The following GALNTL6 variants were observed in gnomAD, a reference collection of about 807,000 sequenced individuals.
GALNTL6 encodes the protein polypeptide N-acetylgalactosaminyltransferase-like 6.
A neutral mutation model predicts 73.7 loss-of-function variants in GALNTL6; 46 were observed. The ratio of observed to expected loss-of-function variants is 0.62; its 90% CI spans 0.49 to 0.80. GALNTL6 has a LOEUF of 0.80. Ranked by LOEUF, GALNTL6 falls within the 30% of genes least tolerant of loss-of-function variation. The probability of loss-of-function intolerance (pLI) is 0.00; values close to 1 mark genes in which losing one functional copy is unlikely to be tolerated. For synonymous variants in GALNTL6, 259 were observed against 263.7 expected (o/e 0.98, Z 0.17); for missense variants, 604 against 755.0 (o/e 0.80, Z 2.34).
chr4:172,153,125 G>A (rs1434234503), intron 2 of GALNTL6, among the ~76,000 whole-genome samples: 1 of 152,158 alleles, frequency 6.6e-6, no homozygotes, highest in African/African-American at 2.4e-5. Context: ...CCTAAACAAC[G>A]TGCTGACCAT....
intron 5 of GALNTL6, among the ~76,000 whole-genome samples, chr4:172,763,478 T>C (rs1181187408): frequency 1.3e-5 from 2 of 152,246 alleles, no homozygotes; most frequent in African/African-American, 4.8e-5. Flanking sequence ...TGAAAATCAT[T>C]CCATTGTCAT....
intron 2 of GALNTL6, among the ~76,000 whole-genome samples, chr4:172,025,485 A>G (rs906004797): frequency 3.3e-5 from 5 of 152,004 alleles, no homozygotes; most frequent in African/African-American, 1.2e-4. Context: ...TTGGCTTTTC[A>G]AAGAGAAATA....
intron 7 of GALNTL6, among the ~76,000 whole-genome samples, chr4:172,865,625 T>C (rs558886521): frequency 2.6e-5 from 4 of 152,350 alleles, no homozygotes; most frequent in African/African-American, 4.8e-5. Context: ...AATATACACA[T>C]AAATCACTGT....
At chr4:172,203,683 CATG>C (rs1736023057) in intron 2 of GALNTL6, among the ~76,000 whole-genome samples, 1 of 152,146 alleles carries the variant, frequency 6.6e-6, no homozygotes, top group Admixed American at 6.5e-5. Context: ...CTCTAAAATT[CATG>C]ATATTTTCCT....
intron 2 of GALNTL6, among the ~76,000 whole-genome samples, chr4:171,856,508 TCA>T (rs749262976): frequency 4.6e-5 from 7 of 152,218 alleles, no homozygotes; most frequent in Non-Finnish European, 1.0e-4. Flanking sequence ...AAACTCTGGC[TCA>T]CCTAGATTCT....
chr4:171,945,597 CAT>C (rs1268816603), intron 2 of GALNTL6, among the ~76,000 whole-genome samples: 8 of 152,206 alleles, frequency 5.3e-5, no homozygotes, highest in African/African-American at 1.9e-4. Flanking sequence ...ATAGAACAGA[CAT>C]AAACTTTCCT....
intron 2 of GALNTL6, among the ~76,000 whole-genome samples, chr4:172,053,285 A>T (rs12643122): frequency 0.34 from 51,599 of 151,664 alleles, 9,870 homozygotes; most frequent in South Asian, 0.53. Flanking sequence ...TGTTTTTTTA[A>T]AAAAAACACA....
At chr4:172,584,800 G>A (rs1455056470) in intron 5 of GALNTL6, among the ~76,000 whole-genome samples, 1 of 152,190 alleles carries the variant, frequency 6.6e-6, no homozygotes, top group Admixed American at 6.5e-5. Context: ...GCTGTGAATA[G>A]AGGTTTGGGA....
chr4:171,886,469 T>C (rs1303483730), intron 2 of GALNTL6, among the ~76,000 whole-genome samples: 1 of 126,080 alleles, frequency 7.9e-6, no homozygotes, highest in Non-Finnish European at 1.7e-5. Flanking sequence ...CAGTGCATTT[T>C]AGTTTATGAG....
intron 2 of GALNTL6, among the ~76,000 whole-genome samples, chr4:172,184,437 G>A (rs1452173168): frequency 6.6e-6 from 1 of 152,138 alleles, no homozygotes; most frequent in Non-Finnish European, 1.5e-5. Flanking sequence ...GGGTCTCTAT[G>A]TCTTCTGGCA....
At chr4:172,448,101 C>A (rs888077589) in intron 5 of GALNTL6, among the ~76,000 whole-genome samples, 3 of 152,028 alleles carry the variant, frequency 2.0e-5, no homozygotes, top group African/African-American at 4.8e-5. Flanking sequence ...TAGTCATATG[C>A]ATGGTTATAT....
intron 2 of GALNTL6, among the ~76,000 whole-genome samples, chr4:172,122,735 CTGTGGCCA>C (rs1372509362): frequency 1.3e-5 from 2 of 152,222 alleles, no homozygotes; most frequent in African/African-American, 4.8e-5. Context: ...AGTGCAGCCA[CTGTGGCCA>C]TGGTTCTCTT....
intron 3 of GALNTL6, among the ~76,000 whole-genome samples, chr4:172,256,791 T>C (rs187847510): frequency 6.6e-6 from 1 of 151,502 alleles, no homozygotes; most frequent in East Asian, 1.9e-4. Context: ...CTAATAGATG[T>C]TAATTAATAG....
intron 2 of GALNTL6, among the ~76,000 whole-genome samples, chr4:172,133,993 G>A (rs1733569601): frequency 6.6e-6 from 1 of 152,166 alleles, no homozygotes; most frequent in Admixed American, 6.5e-5. Flanking sequence ...AAAAAATTCT[G>A]ACAAGTCCTC....
chr4:171,814,096 G>A (rs1294749044), intron 1 of GALNTL6, 106 bp downstream of exon 1: 1 of 156,436 alleles, frequency 6.4e-6, no homozygotes, highest in Non-Finnish European at 1.4e-5. Context: ...ACACTTGAAG[G>A]GGTTGAGCCA....
Position 172,505,828 on chromosome 4 carries a change from C to G in GALNTL6, c.553+157139C>G. ...GGACCAGGTAAGTGCACACTTCCTC[C>G]CCAGCAAGGCAGACAGGGTAAGTGC... On this transcript the variant is annotated intron_variant, in intron 5 of 12. Coordinates refer to ENST00000506823, the MANE Select transcript of GALNTL6 (RefSeq NM_001034845.3). Among the ~76,000 whole-genome samples, 2 of 53,862 alleles carry G rather than the reference C, an allele frequency of 3.7e-5. 1 individual carries two copies. Among genetic ancestry groups the G allele is most frequent in the Non-Finnish European group, 8.5e-5 (2 of 23,440 alleles). 35.3% of individuals were successfully genotyped at this position (53,862 alleles called of 152,430 possible).
intron 5 of GALNTL6, among the ~76,000 whole-genome samples, chr4:172,537,309 C>A (rs529145862): frequency 6.6e-6 from 1 of 152,184 alleles, no homozygotes; most frequent in African/African-American, 2.4e-5. Flanking sequence ...ATAATTCCCA[C>A]ATGTTGTGGG....
intron 9 of GALNTL6, among the ~76,000 whole-genome samples, chr4:172,938,897 C>T (rs926400113): frequency 1.1e-4 from 17 of 152,216 alleles, no homozygotes; most frequent in African/African-American, 4.1e-4. Flanking sequence ...TTCTTCCTTA[C>T]AATATAACCT....
At chr4:172,589,342 G>A (rs750176462) in intron 5 of GALNTL6, among the ~76,000 whole-genome samples, 1 of 152,140 alleles carries the variant, frequency 6.6e-6, no homozygotes, top group Non-Finnish European at 1.5e-5. Context: ...CTTAAAAACT[G>A]AAAAACTTGG....
Sources: gnomAD v4.1 joint callset for allele counts (sites outside exome capture counted in the v4.1 genomes callset) on GRCh38, gnomAD v4.1.1 for gene constraint, MANE v1.5 for transcripts, NCBI Gene and HGNC (gene_info 2026-07-23, HGNC 2026-07-21) for gene names.